Variants in NKAIN2 observed in about 807,000 individuals in gnomAD.
NKAIN2 encodes the protein sodium/potassium transporting ATPase interacting 2, also known as sodium/potassium-transporting ATPase subunit beta-1-interacting protein 2.
Under a neutral mutation model 32.6 loss-of-function variants are expected in NKAIN2, and 14 were observed. The observed-to-expected ratio is 0.43, with a 90% CI of 0.28 to 0.67. The LOEUF is 0.67. NKAIN2 is among the 30% of genes least tolerant of loss of function. NKAIN2 has a pLI of 0.17. For synonymous variants in NKAIN2, 80 were observed against 87.2 expected (o/e 0.92, Z 0.46); for missense variants, 198 against 258.3 (o/e 0.77, Z 1.60).
At chr6:124,802,001 A>C (rs1380296195) in intron 5 of NKAIN2, among the ~76,000 whole-genome samples, 1 of 152,162 alleles carries the variant, frequency 6.6e-6, no homozygotes, top group Non-Finnish European at 1.5e-5. Context: ...TACCAATAAA[A>C]ATGTTAGAGT....
At chr6:124,805,190 A>C (rs567055242) in intron 5 of NKAIN2, among the ~76,000 whole-genome samples, 4 of 152,338 alleles carry the variant, frequency 2.6e-5, no homozygotes, top group East Asian at 1.9e-4. Context: ...ATGCCTCCTC[A>C]AGTGGGTCCC....
At chr6:124,194,769 A>G (rs1309931061) in intron 1 of NKAIN2, among the ~76,000 whole-genome samples, 2 of 152,174 alleles carry the variant, frequency 1.3e-5, no homozygotes, top group East Asian at 1.9e-4. Flanking sequence ...TTTACTACAT[A>G]TAATGGAAGG....
intron 1 of NKAIN2, among the ~76,000 whole-genome samples, chr6:124,125,871 T>C (rs1786139432): frequency 6.6e-6 from 1 of 152,184 alleles, no homozygotes; most frequent in African/African-American, 2.4e-5. Flanking sequence ...CAACACTGCA[T>C]TCTCAGGAGC....
intron 1 of NKAIN2, among the ~76,000 whole-genome samples, chr6:124,078,790 G>A (rs1004189399): frequency 7.9e-6 from 1 of 126,578 alleles, no homozygotes; most frequent in Admixed American, 7.6e-5. Context: ...TCGTTTTTGT[G>A]TGTGTGTGTG....
intron 1 of NKAIN2, among the ~76,000 whole-genome samples, chr6:123,843,024 G>A (rs963175924): frequency 1.3e-5 from 2 of 152,162 alleles, no homozygotes; most frequent in Non-Finnish European, 2.9e-5. Context: ...GTGCCTTTGG[G>A]TGCTGGCAGG....
At chr6:124,285,377 T>C (rs1409010665) in intron 2 of NKAIN2, among the ~76,000 whole-genome samples, 1 of 152,154 alleles carries the variant, frequency 6.6e-6, no homozygotes, top group Non-Finnish European at 1.5e-5. Context: ...TTTTTTTTGC[T>C]TGGAAATCCC....
intron 1 of NKAIN2, among the ~76,000 whole-genome samples, chr6:124,227,390 T>C (rs1487029484): frequency 6.6e-6 from 1 of 152,210 alleles, no homozygotes; most frequent in Non-Finnish European, 1.5e-5. Context: ...TCTTCTAATA[T>C]TGAAGTTGGC....
chr6:124,544,788 T>A (rs1303820618), intron 3 of NKAIN2, among the ~76,000 whole-genome samples: 3 of 152,150 alleles, frequency 2.0e-5, no homozygotes, highest in African/African-American at 7.2e-5. Flanking sequence ...AAACTTGAGA[T>A]CCCTAGCTTT....
intron 2 of NKAIN2, among the ~76,000 whole-genome samples, chr6:124,290,796 T>G (rs1795775075): frequency 6.6e-6 from 1 of 152,028 alleles, no homozygotes; most frequent in African/African-American, 2.4e-5. Flanking sequence ...CTGTTTTAAT[T>G]CTTGAAATCC....
chr6:123,910,002 T>A (rs1334734054), intron 1 of NKAIN2, among the ~76,000 whole-genome samples: 1 of 151,742 alleles, frequency 6.6e-6, no homozygotes, highest in African/African-American at 2.4e-5. Flanking sequence ...AAAAAAAAAA[T>A]GTAACCGTAA....
rs748462386 is a variant in NKAIN2 at position 124,183,945 on chromosome 6, A to G, written c.55-99060A>G. Among the ~76,000 whole-genome samples, 236 of 152,288 alleles carry G rather than the reference A, an allele frequency of 1.5e-3. 5 individuals carry two copies. Among genetic ancestry groups the G allele is most frequent in the Non-Finnish European group, 4.7e-4 (32 of 68,004 alleles). ...TGAATAGAGACATCTGCCAGCACAC[A>G]TACAGATTGATAATGACTTTATTTG... On this transcript the variant is annotated intron_variant, in intron 1 of 6. Coordinates refer to ENST00000368417, the MANE Select transcript of NKAIN2 (RefSeq NM_001040214.3).
chr6:123,907,684 C>G lies in NKAIN2; in HGVS notation c.54+103430C>G, dbSNP rs147578211. On this transcript the variant is annotated intron_variant, in intron 1 of 6. Coordinates refer to ENST00000368417, the MANE Select transcript of NKAIN2 (RefSeq NM_001040214.3). ...TAGTTTCATTAATGATAGCCTCTCA[C>G]CCCCCACTGCTGCCCCAGCCCAATG... Among the ~76,000 whole-genome samples the G allele has an allele frequency of 3.9e-3, 597 of 152,184 alleles. 3 individuals carry two copies. The highest frequency in any genetic ancestry group is 6.0e-3 in the Admixed American group (92 of 15,266).
intron 1 of NKAIN2, among the ~76,000 whole-genome samples, chr6:124,045,857 A>G (rs1423520177): frequency 6.6e-6 from 1 of 152,024 alleles, no homozygotes; most frequent in Non-Finnish European, 1.5e-5. Context: ...TAATCTTTTC[A>G]TACATTACTA....
At chr6:124,011,729 A>AAGGCCTAAGCCTTTGTAGCTT (rs1445871728) in intron 1 of NKAIN2, among the ~76,000 whole-genome samples, 1 of 152,178 alleles carries the variant, frequency 6.6e-6, no homozygotes, top group Non-Finnish European at 1.5e-5. Context: ...TTAGCCAGTA[A>AAGGCCTAAGCCTTTGTAGCTT]AGGCCTAAGC....
intron 4 of NKAIN2, among the ~76,000 whole-genome samples, chr6:124,675,784 A>T (rs1440948168): frequency 1.3e-5 from 2 of 151,640 alleles, no homozygotes; most frequent in African/African-American, 2.4e-5. Context: ...TTCAAAAAAC[A>T]GTTGTTAGTT....
intron 4 of NKAIN2, among the ~76,000 whole-genome samples, chr6:124,706,653 C>T (rs1390837948): frequency 2.0e-5 from 3 of 152,120 alleles, no homozygotes; most frequent in Non-Finnish European, 4.4e-5. Flanking sequence ...ATAGAAAAGT[C>T]TCAGTATAAA....
intron 3 of NKAIN2, among the ~76,000 whole-genome samples, chr6:124,597,097 G>C (rs190631341): frequency 1.3e-5 from 2 of 152,238 alleles, no homozygotes; most frequent in Admixed American, 1.3e-4. Flanking sequence ...TCAGTCTTCT[G>C]ACTCAAATGT....
At chr6:124,075,124 G>A (rs1466246120) in intron 1 of NKAIN2, among the ~76,000 whole-genome samples, 3 of 152,140 alleles carry the variant, frequency 2.0e-5, no homozygotes, top group Admixed American at 6.6e-5. Flanking sequence ...AGTGTTAATA[G>A]TATAGTGGTA....
At chr6:124,101,271 G>A (rs906975999) in intron 1 of NKAIN2, among the ~76,000 whole-genome samples, 1 of 152,096 alleles carries the variant, frequency 6.6e-6, no homozygotes, top group Non-Finnish European at 1.5e-5. Context: ...CCTGAAAGTT[G>A]TTAATCTCTG....
Sources: allele counts gnomAD v4.1 joint callset (sites outside exome capture counted in the v4.1 genomes callset), GRCh38; gene constraint gnomAD v4.1.1; transcripts MANE v1.5; gene names NCBI Gene and HGNC (gene_info 2026-07-23, HGNC 2026-07-21).